Variants in GPC5 observed in about 807,000 individuals in gnomAD.
GPC5 encodes glypican-5.
GPC5 carries 47 observed loss-of-function variants against 53.9 expected under a neutral mutation model. The ratio of observed to expected loss-of-function variants is 0.87; its 90% CI spans 0.69 to 1.11. The LOEUF is 1.11. GPC5 is among the 50% of genes most tolerant of loss of function. GPC5 has a pLI of 0.00. For missense variants in GPC5, 748 were observed against 713.1 expected, an observed-to-expected ratio of 1.05 and a Z score of -0.56; for synonymous variants, 286 against 263.3, an observed-to-expected ratio of 1.09 and a Z score of -0.84.
At chr13:91,480,691 C>G (rs1883251802) in intron 2 of GPC5, among the ~76,000 whole-genome samples, 1 of 152,156 alleles carries the variant, frequency 6.6e-6, no homozygotes, top group South Asian at 2.1e-4. Flanking sequence ...CTTGGACACA[C>G]CTTATTTCTA....
At chr13:91,781,115 C>T (rs1358723004) in intron 5 of GPC5, among the ~76,000 whole-genome samples, 1 of 152,176 alleles carries the variant, frequency 6.6e-6, no homozygotes, top group East Asian at 1.9e-4. Context: ...GGTGCTTGTG[C>T]ACAAGTGCAC....
At chr13:92,134,924 A>G (rs1459164884) in intron 6 of GPC5, among the ~76,000 whole-genome samples, 3 of 152,144 alleles carry the variant, frequency 2.0e-5, no homozygotes, top group East Asian at 1.9e-4. Context: ...TTGGGGTAGT[A>G]TAATTCTTAT....
chr13:92,259,069 A>G (rs943452747), intron 7 of GPC5, among the ~76,000 whole-genome samples: 1 of 152,190 alleles, frequency 6.6e-6, no homozygotes, highest in Admixed American at 6.5e-5. Context: ...TATTTTGACA[A>G]TATGTCTCCA....
chr13:92,685,548 T>TTTTTTTTTAA (rs571109999), intron 7 of GPC5, among the ~76,000 whole-genome samples: 9 of 119,214 alleles, frequency 7.5e-5, no homozygotes, highest in African/African-American at 2.5e-4. Context: ...ATGCTCATTT[T>TTTTTTTTTAA]TTTTTTTTTT....
At chr13:92,675,897 T>C (rs923058449) in intron 7 of GPC5, among the ~76,000 whole-genome samples, 12 of 152,190 alleles carry the variant, frequency 7.9e-5, no homozygotes, top group Admixed American at 3.9e-4. Context: ...CATTCCCACA[T>C]AGTGCTAAGT....
intron 7 of GPC5, among the ~76,000 whole-genome samples, chr13:92,713,428 TAA>T (rs556939674): frequency 8.6e-4 from 100 of 116,366 alleles, no homozygotes; most frequent in Middle Eastern, 4.6e-3. Context: ...CCGGCTCTAC[TAA>T]AAAAAAAAAA....
intron 6 of GPC5, among the ~76,000 whole-genome samples, chr13:91,963,186 A>G (rs1420479427): frequency 6.6e-6 from 1 of 152,168 alleles, no homozygotes; most frequent in Non-Finnish European, 1.5e-5. Context: ...AAAATTATAG[A>G]GCTGAGTAGT....
chr13:91,543,161 T>G (rs2030060970), intron 2 of GPC5, among the ~76,000 whole-genome samples: 1 of 151,996 alleles, frequency 6.6e-6, no homozygotes, highest in Non-Finnish European at 1.5e-5. Flanking sequence ...TGGCCACTAA[T>G]TTTGTATTTT....
At chr13:92,348,073 T>C (rs1292376267) in intron 7 of GPC5, among the ~76,000 whole-genome samples, 1 of 136,022 alleles carries the variant, frequency 7.4e-6, no homozygotes, top group Non-Finnish European at 1.5e-5. Context: ...AAACAAAGTA[T>C]CTACAAAACA....
rs186106113 is a variant in GPC5, at chr13:92,140,546, C to A, written c.1402-4284C>A. The stretch of plus-strand genomic sequence containing the variant: ...TAAGAAGCGGCCATGGTATGCATTT[C>A]TCAAACATTTTTCCACATTTTATCA... On this transcript the variant is annotated intron_variant, in intron 6 of 7. Transcript: ENST00000377067. 9.6e-4 allele frequency among the ~76,000 whole-genome samples: 146 copies of A among 152,324 alleles called. 3 individuals carry two copies. The South Asian group carries it at 0.012, about 13-fold the overall frequency.
intron 7 of GPC5, among the ~76,000 whole-genome samples, chr13:92,487,154 A>G (rs1324834739): frequency 6.6e-6 from 1 of 152,036 alleles, no homozygotes; most frequent in East Asian, 1.9e-4. Context: ...CAGCCAGGGA[A>G]TTTTTGTTGT....
intron 5 of GPC5, among the ~76,000 whole-genome samples, chr13:91,845,489 A>T (rs2038838367): frequency 6.6e-6 from 1 of 152,198 alleles, no homozygotes; most frequent in South Asian, 2.1e-4. Context: ...GTTGTTAAGA[A>T]CACTTAAGAT....
chr13:92,862,538 T>TATAG (rs1306074449), intron 7 of GPC5, among the ~76,000 whole-genome samples: 1 of 151,950 alleles, frequency 6.6e-6, no homozygotes, highest in Non-Finnish European at 1.5e-5. Flanking sequence ...GAGATATATA[T>TATAG]ATAGATAGAT....
intron 2 of GPC5, among the ~76,000 whole-genome samples, chr13:91,607,517 A>G (rs1446318810): frequency 1.3e-5 from 2 of 152,204 alleles, no homozygotes; most frequent in Non-Finnish European, 2.9e-5. Flanking sequence ...CTGTACGTAG[A>G]TGATAACACC....
intron 6 of GPC5, among the ~76,000 whole-genome samples, chr13:91,981,607 A>C (rs571942027): frequency 1.3e-5 from 2 of 152,268 alleles, no homozygotes; most frequent in African/African-American, 4.8e-5. Flanking sequence ...TCTTATCTTT[A>C]AATGAGGATG....
intron 3 of GPC5, among the ~76,000 whole-genome samples, chr13:91,718,415 C>A (rs2036392487): frequency 6.6e-6 from 1 of 151,936 alleles, no homozygotes; most frequent in African/African-American, 2.4e-5. Context: ...TGGCCACTTT[C>A]CCCTAATCTT....
intron 4 of GPC5, among the ~76,000 whole-genome samples, chr13:91,738,780 A>T (rs1005313872): frequency 6.6e-6 from 1 of 151,460 alleles, no homozygotes; most frequent in Admixed American, 6.6e-5. Flanking sequence ...AACTTAGGAT[A>T]GTTTCACTCC....
chr13:92,203,040 A>T (rs1409245348), intron 7 of GPC5, among the ~76,000 whole-genome samples: 1 of 152,218 alleles, frequency 6.6e-6, no homozygotes, highest in African/African-American at 2.4e-5. Flanking sequence ...CAAAAAGCTT[A>T]AATAAATATT....
chr13:91,776,992 A>G (rs370874083), intron 5 of GPC5, among the ~76,000 whole-genome samples: 6 of 152,332 alleles, frequency 3.9e-5, no homozygotes, highest in African/African-American at 7.2e-5. Flanking sequence ...TAACCGCCCA[A>G]TAAAAATGCT....
Sources: gnomAD v4.1 joint callset for allele counts (sites outside exome capture counted in the v4.1 genomes callset) on GRCh38, gnomAD v4.1.1 for gene constraint, MANE v1.5 for transcripts, NCBI Gene and HGNC (gene_info 2026-07-23, HGNC 2026-07-21) for gene names.